The following VWA3A variants were observed in gnomAD, a reference collection of about 807,000 sequenced individuals.
VWA3A encodes von Willebrand factor A domain-containing protein 3A.
In VWA3A, 134 loss-of-function variants were observed where a neutral mutation model predicts 160.4. The ratio of observed to expected loss-of-function variants is 0.84; its 90% CI spans 0.73 to 0.96. VWA3A has a LOEUF of 0.96. Among genes scored for constraint, VWA3A ranks in the 40% least tolerant of loss-of-function variants. VWA3A has a pLI of 0.00. For synonymous variants in VWA3A, 476 were observed against 543.4 expected (o/e 0.88, Z 1.72); for missense variants, 1,310 against 1,447.9 (o/e 0.90, Z 1.55).
Position 22,152,742 on chromosome 16 carries a change from C to T in VWA3A, c.3405+108C>T, listed in dbSNP as rs1287263839. The T allele has an allele frequency of 8.8e-6, 13 of 1,472,594 alleles. No homozygotes were observed. The Admixed American group carries it at 2.0e-4, about 23-fold the overall frequency. The allele number at this position is 1,472,594 out of a possible 1,614,324, so 91.2% of individuals were successfully genotyped here. A position where few individuals can be genotyped will look rare whatever the true frequency, so the allele number is the denominator to read the frequency against. On this transcript the variant is annotated intron_variant, in intron 31 of 33. Transcript: ENST00000389398. Reference sequence around the variant, plus strand: ...CTCCTGGGCTCAAGTGAACCTCCCACCTCGGCCTCCCAAAATGTTGGGATT... The same window carrying T: ...CTCCTGGGCTCAAGTGAACCTCCCATCTCGGCCTCCCAAAATGTTGGGATT...
At chr16:22,154,323 C>CTTTTTTTTTTTTTTTTTTT (rs988862954) in intron 31 of VWA3A, among the ~76,000 whole-genome samples, 1 of 73,904 alleles carries the variant, frequency 1.4e-5, no homozygotes, top group Non-Finnish European at 2.3e-5. Flanking sequence ...TTTTCTTTTT[C>CTTTTTTTTTTTTTTTTTTT]TTTTTTTTTT....
At chr16:22,101,229 C>T (rs1300437690) in intron 5 of VWA3A, among the ~76,000 whole-genome samples, 4 of 152,062 alleles carry the variant, frequency 2.6e-5, no homozygotes, top group Admixed American at 6.6e-5. Context: ...TGCACTCTAG[C>T]CTGGGCAACA....
Position 22,142,743 on chromosome 16 carries a change from A to G in VWA3A, c.2570A>G (p.Asp857Gly), listed in dbSNP as rs929478330. ...TSSSIDLPRKDTVCSSQEWVA... is the reference protein window; with the variant it reads ...TSSSIDLPRKGTVCSSQEWVA... ...TCTTCTATTGACTTACCCAGAAAGG[A>G]TACAGTTTGCTCAAGCCAAGAGGTA... Residue 857 changes from aspartate (D) to glycine (G), a missense_variant, in exon 25 of 34, where the codon GAT (aspartate) becomes GGT (glycine). Asp to Gly is a moderately conservative substitution (Grantham distance 94). Coordinates refer to ENST00000389398, the MANE Select transcript of VWA3A (RefSeq NM_173615.5). 1 of 1,572,574 alleles carries G rather than the reference A, an allele frequency of 6.4e-7. No individual in the cohort carries two copies. Among genetic ancestry groups the G allele is most frequent in the Non-Finnish European group, 8.6e-7 (1 of 1,158,106 alleles).
intron 14 of VWA3A, among the ~76,000 whole-genome samples, chr16:22,122,277 A>G (rs866879798): frequency 6.7e-6 from 1 of 149,146 alleles, no homozygotes; most frequent in Middle Eastern, 3.4e-3. Context: ...GGATGGATGG[A>G]TGGGTGGATG....
At chr16:22,151,646 A>C (rs2046350130) in intron 30 of VWA3A, among the ~76,000 whole-genome samples, 2 of 152,030 alleles carry the variant, frequency 1.3e-5, no homozygotes, top group Admixed American at 6.6e-5. Context: ...CTGAGGTGGG[A>C]GGATCACTTG....
chr16:22,140,324 A>G (rs1443682369), intron 23 of VWA3A, 80 bp downstream of exon 23: 8 of 1,372,728 alleles, frequency 5.8e-6, no homozygotes, highest in Admixed American at 1.9e-5. Context: ...GATAGTAACT[A>G]GAGCCACGTG....
At chr16:22,093,760 CT>C (rs1445453351) in intron 1 of VWA3A, among the ~76,000 whole-genome samples, 2 of 151,960 alleles carry the variant, frequency 1.3e-5, no homozygotes, top group East Asian at 3.9e-4. Flanking sequence ...AGGTTCAGCA[CT>C]TTTTTGTTTG....
At position 22,100,218 on chromosome 16, in the gene VWA3A, T is replaced by A. The variant is rs1419017305; in HGVS notation, c.250T>A (p.Ser84Thr). 6.5e-7 allele frequency: 1 copy of A among 1,549,930 alleles called. No individual in the cohort carries two copies. Among genetic ancestry groups the A allele is most frequent in the East Asian group, 2.4e-5 (1 of 40,908 alleles). The change falls in exon 4 of 34, where the codon TCT (serine) becomes ACT (threonine). Residue 84 changes from serine (S) to threonine (T), a missense_variant. Physicochemically the swap from Ser to Thr is moderately conservative, Grantham distance 58 (BLOSUM62 1). Coordinates refer to ENST00000389398, the MANE Select transcript of VWA3A (RefSeq NM_173615.5). ...GAGGCTGCAGGGGAGTGAGACCCAG[T>A]CTTCAGATTGGGAGGACTCTGAAGA... ...LLRLQGSETQ[S>T]SDWEDSEDWL...
intron 26 of VWA3A, 116 bp downstream of exon 26, chr16:22,144,500 C>T: frequency 7.0e-7 from 1 of 1,418,882 alleles, no homozygotes; most frequent in Non-Finnish European, 9.4e-7. Context: ...TGCCCTCCTC[C>T]CCAAAGTGGG....
At chr16:22,111,093 C>T (rs1428225117) in intron 8 of VWA3A, 99 bp downstream of exon 8, 2 of 1,035,540 alleles carry the variant, frequency 1.9e-6, no homozygotes, top group Admixed American at 2.8e-5. Context: ...ACCCCAGGAC[C>T]CTACTAGATA....
At chr16:22,133,562 A>G (rs2045986029) in intron 20 of VWA3A, among the ~76,000 whole-genome samples, 1 of 150,824 alleles carries the variant, frequency 6.6e-6, no homozygotes, top group African/African-American at 2.4e-5. Context: ...GTACAAGAAA[A>G]TCGCTTGAAC....
At chr16:22,110,188 G>A (rs1238419508) in intron 7 of VWA3A, among the ~76,000 whole-genome samples, 1 of 152,194 alleles carries the variant, frequency 6.6e-6, no homozygotes, top group African/African-American at 2.4e-5. Flanking sequence ...GCTACCTAGG[G>A]TTGCCATAAG....
chr16:22,121,109 T>A lies in VWA3A; in HGVS notation c.1252+6T>A. 4 of 1,613,620 alleles carry A rather than the reference T, an allele frequency of 2.5e-6. No individual in the cohort carries two copies. The highest frequency in any genetic ancestry group is 3.4e-6 in the Non-Finnish European group (4 of 1,179,828). ...TAAGGTCAATGGTCTGAAAGGTAAATCTCCAAAGAGGGCAGAACCCAGGAA... is the reference window on the plus strand; with the variant it reads ...TAAGGTCAATGGTCTGAAAGGTAAAACTCCAAAGAGGGCAGAACCCAGGAA... On this transcript the variant is annotated splice_donor_region_variant and intron_variant, in intron 13 of 33. Coordinates refer to ENST00000389398, the MANE Select transcript of VWA3A (RefSeq NM_173615.5).
intron 21 of VWA3A, among the ~76,000 whole-genome samples, chr16:22,138,158 C>T (rs2046077733): frequency 6.6e-6 from 1 of 152,178 alleles, no homozygotes; most frequent in Non-Finnish European, 1.5e-5. Context: ...CCTGTGCCTC[C>T]CAGGCCCCCA....
At chr16:22,116,956 C>T (rs1389920661) in intron 10 of VWA3A, 89 bp downstream of exon 10, 2 of 1,439,192 alleles carry the variant, frequency 1.4e-6, no homozygotes. Flanking sequence ...GGACAGGCCC[C>T]CGAGCTGTGG....
At chr16:22,152,770 A>C (rs2046373191) in intron 31 of VWA3A, 136 bp downstream of exon 31, 1 of 1,335,680 alleles carries the variant, frequency 7.5e-7, no homozygotes, top group African/African-American at 1.5e-5. Flanking sequence ...TTGGGATTAC[A>C]GGCATGAGCC....
chr16:22,123,019 G>C (rs2045772940), intron 14 of VWA3A, 66 bp from the exon 15 acceptor site: 1 of 1,392,420 alleles, frequency 7.2e-7, no homozygotes, highest in Admixed American at 2.0e-5. Flanking sequence ...TGGAGAACCA[G>C]TGCCCAAATT....
At chr16:22,102,240 A>G (rs1402487973) in intron 5 of VWA3A, among the ~76,000 whole-genome samples, 3 of 152,166 alleles carry the variant, frequency 2.0e-5, no homozygotes, top group Non-Finnish European at 4.4e-5. Context: ...AGTTCCAGCT[A>G]CTTAAAGGCT....
chr16:22,110,706 C>G (rs1337339284), intron 7 of VWA3A, among the ~76,000 whole-genome samples, 182 bp from the exon 8 acceptor site: 1 of 152,224 alleles, frequency 6.6e-6, no homozygotes, highest in African/African-American at 2.4e-5. Context: ...ATCCCACCCA[C>G]AGGAGGCCCG....
Sources: allele counts gnomAD v4.1 joint callset (sites outside exome capture counted in the v4.1 genomes callset), GRCh38; gene constraint gnomAD v4.1.1; transcripts MANE v1.5; gene names NCBI Gene and HGNC (gene_info 2026-07-23, HGNC 2026-07-21).